MSRA: variants seen among roughly 807,000 people sequenced by gnomAD.
MSRA encodes the protein mitochondrial peptide methionine sulfoxide reductase.
In MSRA, 54 loss-of-function variants were observed where a neutral mutation model predicts 31.3. The observed-to-expected ratio is 1.73, with a 90% CI of 1.39 to 2.17. The LOEUF (loss-of-function observed/expected upper bound fraction) is 2.17. Ranked by LOEUF, MSRA falls within the 30% of genes most tolerant of loss-of-function variation. The pLI is 0.00. For missense variants in MSRA, 507 were observed against 300.9 expected (o/e 1.69, Z -5.07); for synonymous variants, 169 against 116.5 (o/e 1.45, Z -2.90).
intron 1 of MSRA, among the ~76,000 whole-genome samples, chr8:10,196,824 G>T (rs1207694159): frequency 4.0e-5 from 6 of 151,756 alleles, no homozygotes; most frequent in Non-Finnish European, 8.8e-5. Context: ...CGTCCACCTC[G>T]GCCTCCCAAA....
intron 4 of MSRA, among the ~76,000 whole-genome samples, chr8:10,303,600 C>G (rs1406919572): frequency 6.6e-6 from 1 of 152,210 alleles, no homozygotes; most frequent in Non-Finnish European, 1.5e-5. Flanking sequence ...AACCACTCAT[C>G]AACACCAGGG....
Position 10,237,400 on chromosome 8 carries a change from T to C in MSRA, c.212-7704T>C, listed in dbSNP as rs116138776. Among the ~76,000 whole-genome samples the C allele has an allele frequency of 8.9e-3, 1,359 of 152,364 alleles. 25 individuals are homozygous for C. Among genetic ancestry groups the C allele is most frequent in the African/African-American group, 0.031 (1,290 of 41,586 alleles). ...TTGACATTTGTAGGTCAATTATATA[T>C]GTTGACTAAATTTACAAATAAACTT... On this transcript the variant is annotated intron_variant, in intron 2 of 5. Transcript: ENST00000317173.
intron 2 of MSRA, among the ~76,000 whole-genome samples, chr8:10,229,130 C>T (rs919561174): frequency 6.6e-6 from 1 of 152,168 alleles, no homozygotes; most frequent in African/African-American, 2.4e-5. Context: ...CAGATTAAGG[C>T]TTCAGACATC....
At chr8:10,114,161 G>A (rs1800502925) in intron 1 of MSRA, among the ~76,000 whole-genome samples, 1 of 152,158 alleles carries the variant, frequency 6.6e-6, no homozygotes, top group African/African-American at 2.4e-5. Context: ...TTTTATGGCT[G>A]AATAATAATC....
Position 10,165,160 on chromosome 8 carries a change from A to G in MSRA, c.143-42673A>G, listed in dbSNP as rs189813047. On this transcript the variant is annotated intron_variant, in intron 1 of 5. Transcript: ENST00000317173. Reference sequence around the variant, plus strand: ...ATGTGCGGCCTAGGTTGAGAAGATCAGCTCTTAGAAGAATACAGCTGGCCG... The same window carrying G: ...ATGTGCGGCCTAGGTTGAGAAGATCGGCTCTTAGAAGAATACAGCTGGCCG... Among the ~76,000 whole-genome samples the G allele has an allele frequency of 1.2e-4, 18 of 152,324 alleles. No individual in the cohort carries two copies. In the South Asian group the frequency reaches 3.3e-3, roughly 28 times the overall value.
intron 3 of MSRA, among the ~76,000 whole-genome samples, chr8:10,261,748 C>A (rs1798496426): frequency 6.6e-6 from 1 of 152,132 alleles, no homozygotes; most frequent in Non-Finnish European, 1.5e-5. Context: ...CATTCGGGTT[C>A]CCTTTTGGTG....
chr8:10,233,369 A>G (rs983480138), intron 2 of MSRA, among the ~76,000 whole-genome samples: 6 of 152,282 alleles, frequency 3.9e-5, no homozygotes, highest in African/African-American at 1.4e-4. Flanking sequence ...AAAGGAGGCA[A>G]CAATATGAAG....
At chr8:10,163,221 C>G (rs1436426842) in intron 1 of MSRA, among the ~76,000 whole-genome samples, 2 of 152,168 alleles carry the variant, frequency 1.3e-5, no homozygotes, top group African/African-American at 4.8e-5. Context: ...TTGTGGTGTT[C>G]ATAAGCCACC....
chr8:10,177,401 C>G (rs1301865932), intron 1 of MSRA, among the ~76,000 whole-genome samples: 3 of 152,134 alleles, frequency 2.0e-5, no homozygotes, highest in Admixed American at 6.5e-5. Flanking sequence ...GTATGGCATC[C>G]TAGAGTCGAT....
chr8:10,116,175 T>C (rs1365701211), intron 1 of MSRA, among the ~76,000 whole-genome samples: 1 of 152,204 alleles, frequency 6.6e-6, no homozygotes, highest in African/African-American at 2.4e-5. Context: ...GGCAAGCTTG[T>C]CCAACCCGTG....
intron 5 of MSRA, among the ~76,000 whole-genome samples, chr8:10,390,556 G>C (rs576729131): frequency 6.6e-6 from 1 of 152,316 alleles, no homozygotes; most frequent in African/African-American, 2.4e-5. Context: ...AAGACTTCTA[G>C]TGAAATCGTC....
At chr8:10,238,495 C>A (rs990044590) in intron 2 of MSRA, among the ~76,000 whole-genome samples, 1 of 152,120 alleles carries the variant, frequency 6.6e-6, no homozygotes, top group Non-Finnish European at 1.5e-5. Context: ...AGAGCACTTC[C>A]TGGCATATAG....
intron 3 of MSRA, among the ~76,000 whole-genome samples, chr8:10,269,325 T>A (rs1798908271): frequency 6.6e-6 from 1 of 152,220 alleles, no homozygotes; most frequent in Non-Finnish European, 1.5e-5. Flanking sequence ...AAATAAAGGC[T>A]TAAAGGAATT....
intron 5 of MSRA, among the ~76,000 whole-genome samples, chr8:10,339,388 A>T (rs1351188255): frequency 6.6e-6 from 1 of 152,196 alleles, no homozygotes; most frequent in Non-Finnish European, 1.5e-5. Flanking sequence ...ATTCAGGTCC[A>T]CATTGGCTGC....
At chr8:10,292,889 G>T (rs2129118209) in intron 3 of MSRA, among the ~76,000 whole-genome samples, 1 of 152,256 alleles carries the variant, frequency 6.6e-6, no homozygotes, top group South Asian at 2.1e-4. Flanking sequence ...TGGGGAGGGT[G>T]GGGGAAACCA....
chr8:10,348,790 G>A (rs901839608), intron 5 of MSRA, among the ~76,000 whole-genome samples: 1 of 152,162 alleles, frequency 6.6e-6, no homozygotes, highest in African/African-American at 2.4e-5. Context: ...TGGCAGAATT[G>A]GGGATCAACA....
chr8:10,217,962 A>G (rs1275518539), intron 2 of MSRA, among the ~76,000 whole-genome samples: 4 of 152,038 alleles, frequency 2.6e-5, no homozygotes, highest in South Asian at 2.1e-4. Flanking sequence ...AAATTAAATA[A>G]TTCAGCCTGT....
At chr8:10,296,315 G>A (rs1426072857) in intron 3 of MSRA, among the ~76,000 whole-genome samples, 1 of 152,202 alleles carries the variant, frequency 6.6e-6, no homozygotes, top group African/African-American at 2.4e-5. Flanking sequence ...TCCTAATGGG[G>A]GCGGCATCCT....
At chr8:10,150,975 G>T (rs75946596) in intron 1 of MSRA, among the ~76,000 whole-genome samples, 3,733 of 152,160 alleles carry the variant, frequency 0.025, 142 homozygotes, top group African/African-American at 0.084. Context: ...TGATTTTATG[G>T]AGCAGAGGCT....
Sources: gnomAD v4.1 joint callset for allele counts (sites outside exome capture counted in the v4.1 genomes callset) on GRCh38, gnomAD v4.1.1 for gene constraint, MANE v1.5 for transcripts, NCBI Gene and HGNC (gene_info 2026-07-23, HGNC 2026-07-21) for gene names.